Variants in EMC3 observed in about 807,000 individuals in gnomAD.
EMC3 encodes 30 kDa protein.
Under a neutral mutation model 36.6 loss-of-function variants are expected in EMC3, and 13 were observed. That is an observed-to-expected ratio of 0.35 (90% confidence interval 0.23 to 0.56). EMC3 has a LOEUF of 0.56. Among genes scored for constraint, EMC3 ranks in the 20% least tolerant of loss-of-function variants. EMC3 has a pLI of 0.84. For synonymous variants in EMC3, 120 were observed against 111.9 expected (o/e 1.07, Z -0.46); for missense variants, 220 against 324.5 (o/e 0.68, Z 2.47).
chr3:9,963,458 T>TAGATAGATAGATAGATAG lies in EMC3; in HGVS notation c.*610_*611insCTATCTATCTATCTATCT. ...GACTGGGCTTCTGCTAAGATAGATA[T>TAGATAGATAGATAGATAG]ATATATATATATATATATATTTTTT... On this transcript the variant is annotated 3_prime_UTR_variant, in exon 8 of 8. Transcript: ENST00000245046. The TAGATAGATAGATAGATAG allele has an allele frequency of 1.2e-5, 1 of 84,232 alleles. No homozygotes were observed. Among genetic ancestry groups the TAGATAGATAGATAGATAG allele is most frequent in the South Asian group, 3.0e-4 (1 of 3,318 alleles). The allele number at this position is 84,232 out of a possible 1,614,324, so 5.2% of individuals were successfully genotyped here. A position where few individuals can be genotyped will look rare whatever the true frequency, so the allele number is the denominator to read the frequency against.
chr3:9,999,304 C>T (rs1437569891), intron 1 of EMC3, among the ~76,000 whole-genome samples: 2 of 150,390 alleles, frequency 1.3e-5, no homozygotes, highest in East Asian at 1.9e-4. Flanking sequence ...TGCAGTGGTA[C>T]GATCTCGACT....
intron 4 of EMC3, among the ~76,000 whole-genome samples, chr3:9,974,034 T>A (rs1293069332): frequency 6.6e-6 from 1 of 152,180 alleles, no homozygotes; most frequent in Non-Finnish European, 1.5e-5. Flanking sequence ...GAAACCAAAT[T>A]GATTAAAAGC....
In EMC3 at chr3:9,969,786, C is replaced by T. The variant is rs200293673; in HGVS notation, c.590G>A (p.Arg197Gln). The T allele has an allele frequency of 3.8e-5, 62 of 1,613,460 alleles. 1 individual carries two copies. Among genetic ancestry groups the T allele is most frequent in the Admixed American group, 3.2e-4 (19 of 59,992 alleles). ...TCCCGTCATCTGCTCCTGCATCATT[C>T]GTGATTGGTCAGCGGCTGTAGCATA... The part of the protein sequence containing the change: ...LGQDNAADQS[R>Q]MMQEQMTGAA... Residue 197 changes from arginine (R) to glutamine (Q), a missense_variant, in exon 7 of 8, where the codon CGA becomes CAA. Arg to Gln is a conservative substitution (Grantham distance 43, BLOSUM62 1). This residue lies in a region of EMC3 where 56 missense variants were observed against 117.0 expected (regional missense o/e 0.48). Transcript: ENST00000245046.
upstream of EMC3, among the ~76,000 whole-genome samples, chr3:9,991,184 A>G (rs895081467): frequency 6.6e-6 from 1 of 151,902 alleles, no homozygotes; most frequent in African/African-American, 2.4e-5. Flanking sequence ...CTGGTCTCAA[A>G]TTTTTAGCTT....
rs142622300 is a variant in EMC3, at chr3:9,967,329, AT to A, written c.657+2389del. On this transcript the variant is annotated intron_variant, in intron 7 of 7. Transcript: ENST00000245046. ...ACCACATTTGGCTAATTTGAACCTA[AT>A]TTTTTTTTTTCTTCTGCACTAACAT... Among the ~76,000 whole-genome samples, 579 of 92,478 alleles carry A rather than the reference AT, an allele frequency of 6.3e-3. 12 individuals are homozygous for A. In the South Asian group the frequency reaches 0.063, roughly 10 times the overall value. 60.7% of individuals were successfully genotyped at this position (92,478 alleles called of 152,430 possible).
intron 1 of EMC3, among the ~76,000 whole-genome samples, chr3:9,996,433 A>C (rs1441777345): frequency 6.6e-6 from 1 of 152,180 alleles, no homozygotes; most frequent in African/African-American, 2.4e-5. Flanking sequence ...CAACAGAGTG[A>C]GACTCTATCT....
chr3:10,000,431 T>G (rs1213223783), intron 1 of EMC3, among the ~76,000 whole-genome samples: 1 of 152,224 alleles, frequency 6.6e-6, no homozygotes, highest in Non-Finnish European at 1.5e-5. Flanking sequence ...GGGTAAACAG[T>G]GATACCATGT....
At chr3:9,970,992 G>C (rs551164857) in intron 5 of EMC3, among the ~76,000 whole-genome samples, 1 of 151,404 alleles carries the variant, frequency 6.6e-6, no homozygotes, top group South Asian at 2.1e-4. Context: ...GCGCAATCTT[G>C]GCTCACTGCA....
intron 6 of EMC3, 66 bp from the exon 7 acceptor site, chr3:9,969,867 G>T (rs1230538321): frequency 8.8e-6 from 14 of 1,590,500 alleles, no homozygotes; most frequent in African/African-American, 1.3e-5. Flanking sequence ...CCAAGGGGAA[G>T]AATGGGCTTC....
At chr3:9,974,209 G>A (rs566058544) in intron 4 of EMC3, among the ~76,000 whole-genome samples, 175 bp downstream of exon 4, 3 of 152,102 alleles carry the variant, frequency 2.0e-5, no homozygotes, top group South Asian at 2.1e-4. Context: ...AAGCATCCAC[G>A]TCATGAACTT....
At chr3:10,006,121 A>G (rs1412503910) in intron 1 of EMC3, among the ~76,000 whole-genome samples, 1 of 152,212 alleles carries the variant, frequency 6.6e-6, no homozygotes, top group East Asian at 1.9e-4. Flanking sequence ...CCTTTCACCC[A>G]GAGCACCAGC....
intron 1 of EMC3, among the ~76,000 whole-genome samples, chr3:9,996,580 AT>A: frequency 6.6e-6 from 1 of 152,238 alleles, no homozygotes; most frequent in East Asian, 1.9e-4. Context: ...CAACTAGTAT[AT>A]TTTTTATCTT....
chr3:9,984,401 T>C (rs945121224), intron 1 of EMC3, among the ~76,000 whole-genome samples: 1 of 151,108 alleles, frequency 6.6e-6, no homozygotes, highest in Admixed American at 6.6e-5. Context: ...TTCTTTTCTG[T>C]TTTTTTGAGA....
At chr3:10,002,173 T>C (rs1272851009) in intron 1 of EMC3, among the ~76,000 whole-genome samples, 1 of 152,214 alleles carries the variant, frequency 6.6e-6, no homozygotes, top group African/African-American at 2.4e-5. Context: ...ATTGAATCAC[T>C]TTGAATGGTA....
In EMC3 at chr3:9,986,613, C is replaced by T. The variant is rs747945531; in HGVS notation, c.49G>A (p.Val17Ile). 4 of 1,614,226 alleles carry T rather than the reference C, an allele frequency of 2.5e-6. No individual in the cohort carries two copies. Among genetic ancestry groups the T allele is most frequent in the Non-Finnish European group, 3.4e-6 (4 of 1,180,044 alleles). ...AAAGTGATGATAACGATGGGTAGGA[C>T]CACCCAGAGGCGGATGTTGGAGTCG... is the stretch of plus-strand genomic sequence containing the variant. The part of the protein sequence containing the change: ...LLDSNIRLWV[V>I]LPIVIITFFV... Residue 17 changes from valine to isoleucine, a missense_variant, in exon 1 of 8, where the codon GTC (valine) becomes ATC (isoleucine). Val to Ile is a conservative substitution (Grantham distance 29, BLOSUM62 3). Coordinates refer to ENST00000245046, the MANE Select transcript of EMC3 (RefSeq NM_001394674.1).
intron 1 of EMC3, chr3:10,010,058 CCTGG>C (rs2086307271): frequency 6.5e-6 from 1 of 152,806 alleles, no homozygotes; most frequent in Admixed American, 6.5e-5. Flanking sequence ...CCCCTGCCTG[CCTGG>C]CTCACACCCC....
Position 9,970,641 on chromosome 3 carries a change from T to C in EMC3, c.515A>G (p.Tyr172Cys). 1 of 1,614,160 alleles carries C rather than the reference T, an allele frequency of 6.2e-7. No individual in the cohort carries two copies. The highest frequency in any genetic ancestry group is 8.5e-7 in the Non-Finnish European group (1 of 1,180,028). The part of the protein sequence containing the change: ...DASWVSSASW[Y>C]FLNVFGLRSI... ...CCGAAGCCCAAATACATTGAGGAAGTACCAGGATGCAGAACTCACCCTGGC... is the reference window on the plus strand; with the variant it reads ...CCGAAGCCCAAATACATTGAGGAAGCACCAGGATGCAGAACTCACCCTGGC... Residue 172 changes from tyrosine to cysteine, a missense_variant, in exon 6 of 8, where the codon TAC (tyrosine) becomes TGC (cysteine). Tyr to Cys is a radical substitution (Grantham distance 194, BLOSUM62 -2). Transcript: ENST00000245046.
chr3:9,970,530 G>T (rs1434966037), intron 6 of EMC3, 52 bp downstream of exon 6: 4 of 1,570,780 alleles, frequency 2.5e-6, no homozygotes, highest in Non-Finnish European at 3.5e-6. Flanking sequence ...GCTCTAATAT[G>T]GATGATTCAT....
At chr3:10,006,899 G>A (rs1454313600) in intron 1 of EMC3, 2 of 338,954 alleles carry the variant, frequency 5.9e-6, no homozygotes, top group Admixed American at 4.2e-5. Context: ...AGGCGCCCAG[G>A]TTGTCGTCTG....
Sources: gnomAD v4.1 joint callset for allele counts (sites outside exome capture counted in the v4.1 genomes callset) on GRCh38, gnomAD v4.1.1 for gene constraint, gnomAD v4.1.1 regional missense constraint, MANE v1.5 for transcripts, NCBI Gene and HGNC (gene_info 2026-07-23, HGNC 2026-07-21) for gene names.